HYDIN: variants seen among roughly 807,000 people sequenced by gnomAD.
The protein encoded by HYDIN is HYDIN axonemal central pair apparatus protein.
A neutral mutation model predicts 403.9 loss-of-function variants in HYDIN; 132 were observed. That is an observed-to-expected ratio of 0.33 (90% CI 0.28 to 0.38). The LOEUF (loss-of-function observed/expected upper bound fraction) is 0.38, where lower values mean the gene tolerates loss of function less well. Among genes scored for constraint, HYDIN ranks in the 10% least tolerant of loss-of-function variants. The pLI is 1.00. For synonymous variants in HYDIN, 1,202 were observed against 1,891.7 expected, an observed-to-expected ratio of 0.64 and a Z score of 9.46; for missense variants, 2,827 against 5,009.5, an observed-to-expected ratio of 0.56 and a Z score of 13.15.
intron 77 of HYDIN, among the ~76,000 whole-genome samples, chr16:70,837,018 T>C (rs1402975902): frequency 1.6e-4 from 25 of 152,224 alleles, no homozygotes; most frequent in African/African-American, 2.9e-4. Context: ...AAATATGCTA[T>C]GCATTCCTGA....
intron 70 of HYDIN, 60 bp from the exon 71 acceptor site, chr16:70,860,266 A>G: frequency 6.3e-7 from 1 of 1,576,086 alleles, no homozygotes; most frequent in Non-Finnish European, 8.6e-7. Context: ...GGATTAAGAG[A>G]AATTTCTTAG....
intron 20 of HYDIN, among the ~76,000 whole-genome samples, chr16:71,026,300 C>T (rs566130944): frequency 3.3e-5 from 5 of 152,106 alleles, no homozygotes; most frequent in Admixed American, 3.3e-4. Flanking sequence ...CAGAAAGGAT[C>T]AAAAGTGAAT....
Position 71,184,963 on chromosome 16 carries a change from T to C in HYDIN, c.163A>G (p.Met55Val), listed in dbSNP as rs777232362. 1.3e-5 allele frequency: 21 copies of C among 1,609,488 alleles called. No homozygotes were observed. The highest frequency in any genetic ancestry group is 1.7e-5 in the Non-Finnish European group (20 of 1,177,130). Residue 55 changes from methionine (M) to valine (V), a missense_variant, in exon 3 of 86, where the codon ATG becomes GTG. By Grantham distance (21) the Met-to-Val change is conservative (BLOSUM62 1). Coordinates refer to ENST00000393567, the MANE Select transcript of HYDIN (RefSeq NM_001270974.2). ...MLTPSEFLKE[M>V]SLTTEQRLAK... ...AGTCTCTGCTCGGTGGTCAGGGACATTTCCTTCAGGAACTCTGAGGGTGTA... is the reference window on the plus strand; with the variant it reads ...AGTCTCTGCTCGGTGGTCAGGGACACTTCCTTCAGGAACTCTGAGGGTGTA...
At chr16:70,847,637 G>T (rs1240868207) in intron 75 of HYDIN, among the ~76,000 whole-genome samples, 5 of 150,746 alleles carry the variant, frequency 3.3e-5, no homozygotes, top group African/African-American at 1.2e-4. Flanking sequence ...TTTTCAGCAC[G>T]TTGAATATGT....
chr16:70,946,968 A>C (rs943918450), intron 41 of HYDIN, among the ~76,000 whole-genome samples: 2 of 152,126 alleles, frequency 1.3e-5, no homozygotes, highest in African/African-American at 4.8e-5. Context: ...CTAGATATAC[A>C]ATCATGTCGT....
At chr16:71,173,290 C>G (rs2086541264) in intron 5 of HYDIN, among the ~76,000 whole-genome samples, 1 of 152,128 alleles carries the variant, frequency 6.6e-6, no homozygotes, top group Non-Finnish European at 1.5e-5. Context: ...CAACATTTAA[C>G]TCAGTTAATT....
At chr16:71,109,389 AG>A (rs1391324870) in intron 10 of HYDIN, among the ~76,000 whole-genome samples, 2 of 134,814 alleles carry the variant, frequency 1.5e-5, no homozygotes, top group Non-Finnish European at 2.9e-5. Context: ...AAACGACATG[AG>A]GAGGAAAGAA....
Position 71,183,609 on chromosome 16 carries a change from C to T in HYDIN, c.261+1256G>A, listed in dbSNP as rs142197710. 2.6e-4 allele frequency among the ~76,000 whole-genome samples: 39 copies of T among 152,132 alleles called. No homozygotes were observed. The East Asian group carries it at 7.1e-3, about 28-fold the overall frequency. ...AAGTCAGAAGGTCATAGGGAAAATG[C>T]CTGCAAAGCTGTTATGAAAATTTGT... On this transcript the variant is annotated intron_variant, in intron 3 of 85. Transcript: ENST00000393567.
In HYDIN at chr16:70,901,526, C is replaced by T. The variant is rs554367661; in HGVS notation, c.8850-324G>A. 1.1e-4 allele frequency among the ~76,000 whole-genome samples: 16 copies of T among 150,938 alleles called. No homozygotes were observed. The East Asian group carries it at 2.1e-3, about 20-fold the overall frequency. On this transcript the variant is annotated intron_variant, in intron 52 of 85. Transcript: ENST00000393567. The stretch of plus-strand genomic sequence containing the variant: ...TGAGAACATGGGGTATTTGGTTTTC[C>T]GTTCCTGCATTAGTTTGCTAAGGAT...
chr16:71,169,108 G>C (rs191283191), intron 5 of HYDIN, among the ~76,000 whole-genome samples: 11 of 152,264 alleles, frequency 7.2e-5, no homozygotes, highest in African/African-American at 2.4e-4. Context: ...ATCAACCCAA[G>C]TGTCCATCAA....
intron 18 of HYDIN, among the ~76,000 whole-genome samples, chr16:71,034,845 T>C (rs532836817): frequency 6.6e-6 from 1 of 152,080 alleles, no homozygotes; most frequent in African/African-American, 2.4e-5. Flanking sequence ...AGTCCTATTA[T>C]TACTCATAAT....
chr16:70,921,306 C>T, intron 45 of HYDIN, 89 bp from the exon 46 acceptor site: 1 of 1,488,882 alleles, frequency 6.7e-7, no homozygotes, highest in South Asian at 1.3e-5. Context: ...CATTTTGTCT[C>T]ATGAGAAGGT....
chr16:70,964,531 T>C (rs971361181), intron 37 of HYDIN, among the ~76,000 whole-genome samples, 197 bp downstream of exon 37: 1 of 151,326 alleles, frequency 6.6e-6, no homozygotes. Flanking sequence ...GACAGCAGAA[T>C]GTGTTCCAGC....
chr16:70,992,005 G>C, intron 24 of HYDIN, 65 bp downstream of exon 24: 1 of 1,607,108 alleles, frequency 6.2e-7, no homozygotes, highest in Non-Finnish European at 8.5e-7. Context: ...TGAGTATTGA[G>C]AATGTAAGTC....
chr16:71,159,674 C>T (rs917528020), intron 6 of HYDIN, among the ~76,000 whole-genome samples: 2 of 133,526 alleles, frequency 1.5e-5, no homozygotes, highest in African/African-American at 2.8e-5. Context: ...GAAAAAGAGA[C>T]AATTACATAC....
At chr16:70,983,800 A>G (rs2079106800) in intron 28 of HYDIN, among the ~76,000 whole-genome samples, 1 of 151,848 alleles carries the variant, frequency 6.6e-6, no homozygotes, top group Admixed American at 6.5e-5. Context: ...AATTAAAAAA[A>G]GAAAAATATA....
At chr16:71,043,126 C>T (rs1371822806) in intron 18 of HYDIN, among the ~76,000 whole-genome samples, 1 of 150,676 alleles carries the variant, frequency 6.6e-6, no homozygotes, top group Non-Finnish European at 1.5e-5. Flanking sequence ...TTTTTTTTTT[C>T]CTCTAGTGTT....
chr16:71,202,732 G>C (rs893027771), intron 1 of HYDIN, among the ~76,000 whole-genome samples: 6 of 152,024 alleles, frequency 3.9e-5, no homozygotes, highest in Non-Finnish European at 7.4e-5. Context: ...ATCTTGCTTG[G>C]ATTCAAGTTT....
In HYDIN at chr16:70,840,073, G is replaced by A. The variant is rs1001249625; in HGVS notation, c.13034C>T (p.Thr4345Ile). The change falls in exon 76 of 86, where the codon ACA becomes ATA. Residue 4345 changes from threonine (T) to isoleucine (I), a missense_variant. By Grantham distance (89) the Thr-to-Ile change is moderately conservative. Coordinates refer to ENST00000393567, the MANE Select transcript of HYDIN (RefSeq NM_001270974.2). ...CTGGAAGCCTGCTTACCTCATAGGTGTTTCTTCCTTGTTGGTAATTACCAG... is the reference window on the plus strand; with the variant it reads ...CTGGAAGCCTGCTTACCTCATAGGTATTTCTTCCTTGTTGGTAATTACCAG... ...QTLVITNKEE[T>I]PMSIDCLYTN... 2.5e-5 allele frequency: 18 copies of A among 718,208 alleles called. No individual in the cohort carries two copies. Among genetic ancestry groups the A allele is most frequent in the Non-Finnish European group, 4.1e-5 (18 of 439,818 alleles). 44.5% of individuals were successfully genotyped at this position (718,208 alleles called of 1,614,324 possible).
Sources: allele counts gnomAD v4.1 joint callset (sites outside exome capture counted in the v4.1 genomes callset), GRCh38; gene constraint gnomAD v4.1.1; transcripts MANE v1.5; gene names NCBI Gene and HGNC (gene_info 2026-07-23, HGNC 2026-07-21).